NEBL: variants seen among roughly 807,000 people sequenced by gnomAD.
NEBL encodes LIM and SH3 protein 2.
Under a neutral mutation model 140.2 loss-of-function variants are expected in NEBL, and 122 were observed. The ratio of observed to expected loss-of-function variants is 0.87; its 90% CI spans 0.75 to 1.01. The LOEUF is 1.01. NEBL is among the 50% of genes least tolerant of loss of function. NEBL has a pLI of 0.00. For synonymous variants in NEBL, 436 were observed against 398.9 expected, an observed-to-expected ratio of 1.09 and a Z score of -1.11; for missense variants, 1,365 against 1,231.3, an observed-to-expected ratio of 1.11 and a Z score of -1.62.
chr10:21,064,878 A>G (rs1835466211), intron 2 of NEBL, among the ~76,000 whole-genome samples: 4 of 152,098 alleles, frequency 2.6e-5, no homozygotes, highest in Admixed American at 2.6e-4. Flanking sequence ...GCAATCTGAG[A>G]AAGGAAATTA....
intron 3 of NEBL, among the ~76,000 whole-genome samples, chr10:21,200,003 C>G (rs191949280): frequency 1.3e-5 from 2 of 152,258 alleles, no homozygotes; most frequent in Non-Finnish European, 2.9e-5. Flanking sequence ...CAGGCAACCA[C>G]AGATCATCTA....
intron 13 of NEBL, among the ~76,000 whole-genome samples, chr10:20,836,760 C>T (rs551834964): frequency 5.3e-5 from 8 of 151,634 alleles, no homozygotes; most frequent in Admixed American, 2.0e-4. Flanking sequence ...TCCCTGTTTC[C>T]CCCTTTTCTT....
chr10:20,844,256 C>T (rs1237836625), intron 12 of NEBL, among the ~76,000 whole-genome samples: 1 of 151,984 alleles, frequency 6.6e-6, no homozygotes, highest in Non-Finnish European at 1.5e-5. Context: ...AAATTTATTT[C>T]ACTGGTCTAA....
chr10:20,925,179 C>T (rs1231489462), intron 4 of NEBL, among the ~76,000 whole-genome samples: 2 of 152,162 alleles, frequency 1.3e-5, no homozygotes, highest in African/African-American at 4.8e-5. Flanking sequence ...TCTGCACATA[C>T]TCAAACATAT....
rs566357886 is a variant in NEBL at position 21,181,308 on chromosome 10, G to A, written n.349-8831C>T. Among the ~76,000 whole-genome samples the A allele has an allele frequency of 5.3e-5, 8 of 150,548 alleles. No homozygotes were observed. The South Asian group carries it at 6.3e-4, about 12-fold the overall frequency. On this transcript the variant is annotated intron_variant and non_coding_transcript_variant, in intron 3 of 8. Coordinates refer to the NEBL transcript ENST00000675702. ...CAAAGTGAATGTAGCCACGTTCTGC[G>A]CACGTATCCCGGAGCCTAAAGTAAA...
At position 21,190,619 on chromosome 10, in the gene NEBL, C is replaced by T. The variant is rs944890710; in HGVS notation, n.349-18142G>A. 9.9e-5 allele frequency among the ~76,000 whole-genome samples: 15 copies of T among 152,148 alleles called. No individual in the cohort carries two copies. The East Asian group carries it at 2.1e-3, about 22-fold the overall frequency. The stretch of plus-strand genomic sequence containing the variant: ...TGTTGATTATTAGAAGTGAATTATA[C>T]AATGCAATTAATCTCTTAATGCAAC... On this transcript the variant is annotated intron_variant and non_coding_transcript_variant, in intron 3 of 8. Transcript: ENST00000675702.
At chr10:21,100,266 C>A (rs904184925) in intron 2 of NEBL, among the ~76,000 whole-genome samples, 1 of 152,316 alleles carries the variant, frequency 6.6e-6, no homozygotes, top group Non-Finnish European at 1.5e-5. Flanking sequence ...CCACCATCAG[C>A]CGGTCCTTTT....
chr10:20,819,849 CA>C (rs1839117390), intron 19 of NEBL, among the ~76,000 whole-genome samples: 1 of 152,066 alleles, frequency 6.6e-6, no homozygotes, highest in Admixed American at 6.6e-5. Context: ...CTCGGCCTCC[CA>C]AAGTGCTGGG....
intron 26 of NEBL, among the ~76,000 whole-genome samples, 171 bp downstream of exon 26, chr10:20,808,339 G>C (rs542976293): frequency 6.7e-6 from 1 of 150,326 alleles, no homozygotes; most frequent in African/African-American, 2.5e-5. Flanking sequence ...AATTAGTAGG[G>C]TTTTTTCTTT....
intron 22 of NEBL, 31 bp downstream of exon 22, chr10:20,815,594 G>T (rs1247766352): frequency 2.0e-6 from 3 of 1,477,956 alleles, no homozygotes; most frequent in African/African-American, 1.4e-5. Context: ...CACATCCTTT[G>T]TGATAGTCTA....
intron 21 of NEBL, among the ~76,000 whole-genome samples, chr10:20,816,053 C>A (rs1333382271): frequency 6.6e-6 from 1 of 152,148 alleles, no homozygotes; most frequent in Non-Finnish European, 1.5e-5. Flanking sequence ...CAATCCTGAG[C>A]CACAGTGCCT....
intron 3 of NEBL, among the ~76,000 whole-genome samples, chr10:21,230,880 C>G (rs551327412): frequency 6.6e-6 from 1 of 152,272 alleles, no homozygotes; most frequent in Admixed American, 6.5e-5. Flanking sequence ...GTTGTGATTA[C>G]AGGCATGAGC....
At chr10:20,880,158 C>G (rs147822117) in intron 5 of NEBL, among the ~76,000 whole-genome samples, 7 of 152,234 alleles carry the variant, frequency 4.6e-5, no homozygotes, top group African/African-American at 1.7e-4. Flanking sequence ...GTCAGGAGCT[C>G]AAGACCAGCC....
rs71390799 is a variant in NEBL at position 20,923,666 on chromosome 10, C to CAAAAAAAAAAAAAAAAAAAAAAAA, written c.357+37982_357+38005dup. Reference sequence around the variant, plus strand: ...TGCACTCCAGAGCAAGACTCCGTCTCAAAAAAAAAAAAAAAAAAAAAAAAA... The same window carrying CAAAAAAAAAAAAAAAAAAAAAAAA: ...TGCACTCCAGAGCAAGACTCCGTCTCAAAAAAAAAAAAAAAAAAAAAAAAAAAAAAAAAAAAAAAAAAAAAAAAA... On this transcript the variant is annotated intron_variant, in intron 4 of 6. Coordinates refer to the NEBL transcript ENST00000417816. Among the ~76,000 whole-genome samples the CAAAAAAAAAAAAAAAAAAAAAAAA allele has an allele frequency of 6.3e-4, 18 of 28,370 alleles. 3 individuals carry two copies. The highest frequency in any genetic ancestry group is 2.3e-3 in the South Asian group (1 of 426). The allele number at this position is 28,370 out of a possible 152,430, so 18.6% of individuals were successfully genotyped here.
At chr10:20,872,016 T>A (rs1844988905) in intron 5 of NEBL, among the ~76,000 whole-genome samples, 5 of 152,160 alleles carry the variant, frequency 3.3e-5, no homozygotes, top group Admixed American at 3.3e-4. Flanking sequence ...TACATTCATA[T>A]GAAAACCGCA....
intron 26 of NEBL, chr10:20,793,348 A>C (rs1836183086): frequency 3.1e-6 from 3 of 976,884 alleles, no homozygotes; most frequent in Non-Finnish European, 2.4e-6. Context: ...TATATGTTAA[A>C]TCTTCAGTTT....
At chr10:21,103,725 A>G (rs116731874) in intron 2 of NEBL, among the ~76,000 whole-genome samples, 2,156 of 115,122 alleles carry the variant, frequency 0.019, 45 homozygotes, top group African/African-American at 0.11. Context: ...ATTTTCTCCT[A>G]TTCTCTGGCT....
At chr10:21,257,192 G>A (rs899847538) in intron 1 of NEBL, among the ~76,000 whole-genome samples, 2 of 152,170 alleles carry the variant, frequency 1.3e-5, no homozygotes, top group African/African-American at 2.4e-5. Context: ...CCAAGCAAAG[G>A]ATAAAGTTTC....
intron 12 of NEBL, among the ~76,000 whole-genome samples, chr10:20,842,181 C>T (rs1020217275): frequency 6.6e-6 from 1 of 152,000 alleles, no homozygotes; most frequent in Non-Finnish European, 1.5e-5. Flanking sequence ...CTGTCCTCTG[C>T]TCAACTAATA....
Sources: gnomAD v4.1 joint callset for allele counts (sites outside exome capture counted in the v4.1 genomes callset) on GRCh38, gnomAD v4.1.1 for gene constraint, MANE v1.5 for transcripts, NCBI Gene and HGNC (gene_info 2026-07-23, HGNC 2026-07-21) for gene names.